The following TSC2 variants were observed in gnomAD, a reference collection of about 807,000 sequenced individuals.
The protein encoded by TSC2 is tuberin.
Under a neutral mutation model 202.2 loss-of-function variants are expected in TSC2, and 29 were observed. That is an observed-to-expected ratio of 0.14 (90% CI 0.11 to 0.20). The LOEUF (loss-of-function observed/expected upper bound fraction) is 0.20. TSC2 is among the 10% of genes least tolerant of loss of function. The pLI is 1.00. For missense variants in TSC2, 2,429 were observed against 2,420.0 expected (o/e 1.00, Z -0.08); for synonymous variants, 1,349 against 1,044.0 (o/e 1.29, Z -5.63).
intron 16 of TSC2, among the ~76,000 whole-genome samples, chr16:2,067,932 G>A (rs1235585497): frequency 2.6e-5 from 4 of 152,196 alleles, no homozygotes; most frequent in Non-Finnish European, 5.9e-5. Context: ...GAAGGAAAGA[G>A]GTTCTGTTGC....
At chr16:2,050,254 G>T in intron 2 of TSC2, 146 bp from the exon 3 acceptor site, 1 of 845,402 alleles carries the variant, frequency 1.2e-6, no homozygotes. Context: ...ACCGCGGCTC[G>T]TCAAGTGAAT....
intron 17 of TSC2, among the ~76,000 whole-genome samples, chr16:2,071,059 G>A (rs957636576): frequency 1.3e-5 from 2 of 152,174 alleles, no homozygotes; most frequent in Non-Finnish European, 2.9e-5. Flanking sequence ...TTGGCACCAG[G>A]CTGAGCAGAG....
chr16:2,076,048 C>CT lies in TSC2; in HGVS notation c.2640-20_2640-19insT. 1.9e-6 allele frequency: 3 copies of CT among 1,613,860 alleles called. No homozygotes were observed. The highest frequency in any genetic ancestry group is 2.5e-6 in the Non-Finnish European group (3 of 1,180,014). On this transcript the variant is annotated intron_variant, in intron 23 of 41. Transcript: ENST00000219476. ...TTTCCCTGCTGCCAGGATGGAGTGC[C>CT]AGCCCCCTTCTCATCTCAGGTTTAA...
Position 2,080,630 on chromosome 16 carries a change from C to T in TSC2, c.3610+253C>T, listed in dbSNP as rs1372506396. On this transcript the variant is annotated intron_variant, in intron 30 of 41. Coordinates refer to ENST00000219476, the MANE Select transcript of TSC2 (RefSeq NM_000548.5). ...TCCCGAGTAGCTGGGACCACAGGCG[C>T]CCGCCACCACGCCTGGCCAATTTTT... 1.4e-5 allele frequency: 7 copies of T among 510,288 alleles called. 1 individual carries two copies. The highest frequency in any genetic ancestry group is 1.8e-5 in the Non-Finnish European group (5 of 283,126). 31.6% of individuals were successfully genotyped at this position (510,288 alleles called of 1,614,324 possible).
At chr16:2,077,470 A>T in intron 25 of TSC2, 128 bp from the exon 26 acceptor site, 1 of 1,412,446 alleles carries the variant, frequency 7.1e-7, no homozygotes, top group South Asian at 1.2e-5. Context: ...TGCTCATCTC[A>T]CCCGCGGGAT....
rs552608159 is a variant in TSC2 at position 2,079,892 on chromosome 16, T to C, written c.3397+223T>C. On this transcript the variant is annotated intron_variant, in intron 29 of 41. Coordinates refer to ENST00000219476, the MANE Select transcript of TSC2 (RefSeq NM_000548.5). The surrounding 1 kb of genome is among the most constrained non-coding windows in gnomAD (Gnocchi z 4.6). The stretch of plus-strand genomic sequence containing the variant: ...GAGGGGCCTGCTCTGGGTGCTGGTG[T>C]TTCCTGCGGGTTTTCAGCTCGGCTC... Among the ~76,000 whole-genome samples, 1 of 152,288 alleles carries C rather than the reference T, an allele frequency of 6.6e-6. No individual in the cohort carries two copies. The highest frequency in any genetic ancestry group is 1.9e-4 in the East Asian group (1 of 5,174).
In TSC2 at chr16:2,088,871, G is replaced by T. The variant is rs1026534165; in HGVS notation, c.*261G>T. The T allele has an allele frequency of 2.0e-5, 10 of 495,396 alleles. No individual in the cohort carries two copies. Among genetic ancestry groups the T allele is most frequent in the Non-Finnish European group, 2.8e-5 (8 of 283,424 alleles). 30.7% of individuals were successfully genotyped at this position (495,396 alleles called of 1,614,324 possible). A position where few individuals can be genotyped will look rare whatever the true frequency, so the allele number is the denominator to read the frequency against. Reference sequence around the variant, plus strand: ...CCTGGGCCATACAGCACACTCGCGCGTGCGCGCGCGCACACACACACACAC... The same window carrying T: ...CCTGGGCCATACAGCACACTCGCGCTTGCGCGCGCGCACACACACACACAC... On this transcript the variant is annotated 3_prime_UTR_variant, in exon 42 of 42. Coordinates refer to ENST00000219476, the MANE Select transcript of TSC2 (RefSeq NM_000548.5).
intron 29 of TSC2, 102 bp from the exon 30 acceptor site, chr16:2,080,063 C>G: frequency 6.7e-7 from 1 of 1,498,152 alleles, no homozygotes; most frequent in Admixed American, 1.7e-5. Context: ...CTCTGGCTGC[C>G]TGTGGCACTA....
rs1358961035 is a variant in TSC2, at chr16:2,088,430, C to G, written c.5260-16C>G. The G allele has an allele frequency of 6.2e-7, 1 of 1,612,732 alleles. No homozygotes were observed. Among genetic ancestry groups the G allele is most frequent in the Non-Finnish European group, 8.5e-7 (1 of 1,180,014 alleles). ...ACGCCTCCCAGACTTACTGCCCAAG[C>G]CGCCTCTGCCTTCAGATCTGCGAGG... On this transcript the variant is annotated splice_polypyrimidine_tract_variant and intron_variant, in intron 41 of 41. Transcript: ENST00000219476.
intron 16 of TSC2, among the ~76,000 whole-genome samples, chr16:2,069,518 C>G (rs935296904): frequency 1.0e-4 from 15 of 150,078 alleles, no homozygotes; most frequent in South Asian, 6.3e-4. Context: ...CTTGCTCTGT[C>G]GCCCAGGCTG....
At chr16:2,053,224 T>G in intron 3 of TSC2, 118 bp from the exon 4 acceptor site, 2 of 994,660 alleles carry the variant, frequency 2.0e-6, no homozygotes, top group Non-Finnish European at 3.1e-6. Context: ...GAGGTGGGGC[T>G]CTCAGTCACA....
rs1060504115 is a variant in TSC2, at chr16:2,072,866, A to C, written c.2238A>C (p.Thr746=). The change falls in exon 21 of 42, where the codon ACA becomes ACC. Residue 746 remains threonine, a synonymous_variant. Transcript: ENST00000219476. ...ALCSMLSGPK[T]LERLRGAPEG... is the part of the protein sequence containing the mutation. Reference sequence around the variant, plus strand: ...GTCATCAGCTTTCAGGCCCAAAGACACTGGAGCGGCTCCGAGGCGCCCCAG... The same window carrying C: ...GTCATCAGCTTTCAGGCCCAAAGACCCTGGAGCGGCTCCGAGGCGCCCCAG... 6.2e-7 allele frequency: 1 copy of C among 1,613,634 alleles called. No individual in the cohort carries two copies. The highest frequency in any genetic ancestry group is 8.5e-7 in the Non-Finnish European group (1 of 1,180,034).
In TSC2 at chr16:2,072,348, T is replaced by A. The variant is rs758782629; in HGVS notation, c.2205T>A (p.Ser735=). ...CTTGCAGTGTGGACCAGCTGTGCTC[T>A]GCTCTCTGCTCCATGGTACCATGGC... ...TSPCSVDQLC[S]ALCSMLSGPK... Residue 735 remains serine, a synonymous_variant, in exon 20 of 42, where the codon TCT becomes TCA. Transcript: ENST00000219476. 1 of 1,614,110 alleles carries A rather than the reference T, an allele frequency of 6.2e-7. No individual in the cohort carries two copies. The highest frequency in any genetic ancestry group is 1.1e-5 in the South Asian group (1 of 91,088).
rs45517406 is a variant in TSC2 at position 2,088,223 on chromosome 16, C to G, written c.5161-4C>G. On this transcript the variant is annotated splice_region_variant and splice_polypyrimidine_tract_variant and intron_variant, in intron 40 of 41. Coordinates refer to ENST00000219476, the MANE Select transcript of TSC2 (RefSeq NM_000548.5). The stretch of plus-strand genomic sequence containing the variant: ...GTGAGCTCACCCCCTGCCTACGTCC[C>G]CAGATGGCCTCACAGGTGCATCATA... 56 of 1,613,072 alleles carry G rather than the reference C, an allele frequency of 3.5e-5. No individual in the cohort carries two copies. The highest frequency in any genetic ancestry group is 4.3e-5 in the Non-Finnish European group (51 of 1,180,010).
intron 23 of TSC2, 74 bp downstream of exon 23, chr16:2,075,966 G>C: frequency 6.2e-7 from 1 of 1,612,274 alleles, no homozygotes; most frequent in Non-Finnish European, 8.5e-7. Flanking sequence ...AGCCCCGGCA[G>C]CCTTTGTCCC....
chr16:2,078,810 G>A (rs1037616732), intron 26 of TSC2: 5 of 617,994 alleles, frequency 8.1e-6, no homozygotes, highest in South Asian at 1.9e-5. Flanking sequence ...AGTCTGCTCC[G>A]ACCAGTAGGC....
intron 33 of TSC2, 139 bp from the exon 34 acceptor site, chr16:2,084,089 G>C (rs985307858): frequency 6.8e-7 from 1 of 1,461,670 alleles, no homozygotes; most frequent in Admixed American, 2.0e-5. Flanking sequence ...GTCAACGGGC[G>C]GGGGCCGTAG....
chr16:2,057,235 C>T, intron 9 of TSC2, 57 bp downstream of exon 9: 1 of 1,542,764 alleles, frequency 6.5e-7, no homozygotes, highest in South Asian at 1.2e-5. Flanking sequence ...CTCGGGGCAG[C>T]TCCAGTGTCC....
chr16:2,088,483 C>T lies in TSC2; in HGVS notation c.5297C>T (p.Pro1766Leu), dbSNP rs748936673. ...EEAAYSNPSL[P>L]LVHPPSHSKA... ...GCCGCCTACTCCAACCCCAGCCTACCTCTGGTGCACCCTCCGTCCCATAGC... is the reference window on the plus strand; with the variant it reads ...GCCGCCTACTCCAACCCCAGCCTACTTCTGGTGCACCCTCCGTCCCATAGC... The change falls in exon 42 of 42, where the codon CCT becomes CTT. Residue 1766 changes from proline (P) to leucine (L), a missense_variant. Pro to Leu is a moderately conservative substitution (Grantham distance 98). Coordinates refer to ENST00000219476, the MANE Select transcript of TSC2 (RefSeq NM_000548.5). The T allele has an allele frequency of 3.7e-6, 6 of 1,612,950 alleles. No homozygotes were observed. The Middle Eastern group carries it at 4.9e-4, about 133-fold the overall frequency.
Sources: allele counts gnomAD v4.1 joint callset (sites outside exome capture counted in the v4.1 genomes callset), GRCh38; gene constraint gnomAD v4.1.1; non-coding constraint Gnocchi (gnomAD v3.1); transcripts MANE v1.5; gene names NCBI Gene and HGNC (gene_info 2026-07-23, HGNC 2026-07-21).